CCS: variants seen among roughly 807,000 people sequenced by gnomAD.
CCS encodes the protein superoxide dismutase copper chaperone.
A neutral mutation model predicts 35.5 loss-of-function variants in CCS; 32 were observed. The observed-to-expected ratio is 0.90, with a 90% confidence interval of 0.68 to 1.21. CCS has a LOEUF of 1.21. Ranked by LOEUF, CCS falls within the 50% of genes most tolerant of loss-of-function variation. The probability of loss-of-function intolerance (pLI) is 0.00; values close to 1 mark genes in which losing one functional copy is unlikely to be tolerated. For synonymous variants in CCS, 130 were observed against 147.2 expected (o/e 0.88, Z 0.84); for missense variants, 342 against 375.4 (o/e 0.91, Z 0.73).
intron 5 of CCS, among the ~76,000 whole-genome samples, chr11:66,603,157 C>T (rs1858596710): frequency 6.6e-6 from 1 of 152,182 alleles, no homozygotes; most frequent in Non-Finnish European, 1.5e-5. Context: ...CATTCAATAC[C>T]CCACTCCCCC....
chr11:66,594,315 C>T (rs975787518), intron 2 of CCS, among the ~76,000 whole-genome samples: 9 of 152,012 alleles, frequency 5.9e-5, no homozygotes, highest in East Asian at 3.9e-4. Flanking sequence ...GCCGAGATCG[C>T]GCCACTGCAC....
chr11:66,594,814 G>A (rs1858447691), intron 2 of CCS, among the ~76,000 whole-genome samples: 1 of 151,524 alleles, frequency 6.6e-6, no homozygotes, highest in South Asian at 2.1e-4. Flanking sequence ...CCAGTCATTC[G>A]GCAGGTATGG....
Position 66,597,389 on chromosome 11 carries a change from T to C in CCS, c.113-1727T>C, listed in dbSNP as rs112903672. The stretch of plus-strand genomic sequence containing the variant: ...AGGAGAATGGCTAGAACCCAGGAGG[T>C]GGAGCTTGCAGTGAGCCGAGATTGT... On this transcript the variant is annotated intron_variant, in intron 2 of 7. Transcript: ENST00000533244. Among the ~76,000 whole-genome samples, 1,429 of 150,270 alleles carry C rather than the reference T, an allele frequency of 9.5e-3. 6 individuals carry two copies. The highest frequency in any genetic ancestry group is 0.015 in the Non-Finnish European group (1,030 of 67,664).
At chr11:66,604,098 C>T (rs994060920) in intron 5 of CCS, among the ~76,000 whole-genome samples, 4 of 151,654 alleles carry the variant, frequency 2.6e-5, no homozygotes, top group South Asian at 2.1e-4. Context: ...GGCGTAGTGG[C>T]GCGTGCCTGT....
At chr11:66,594,592 A>G (rs954319602) in intron 2 of CCS, among the ~76,000 whole-genome samples, 1 of 151,976 alleles carries the variant, frequency 6.6e-6, no homozygotes, top group African/African-American at 2.4e-5. Flanking sequence ...CCTGAGCAAC[A>G]TGGCGAAAAC....
At chr11:66,598,695 G>T (rs113775972) in intron 2 of CCS, among the ~76,000 whole-genome samples, 26 of 151,744 alleles carry the variant, frequency 1.7e-4, no homozygotes, top group Non-Finnish European at 3.5e-4. Flanking sequence ...CTTCGTTCCT[G>T]AATAGTATTT....
intron 4 of CCS, 23 bp from the exon 5 acceptor site, chr11:66,600,466 C>G (rs1239045258): frequency 4.0e-6 from 6 of 1,491,360 alleles, no homozygotes; most frequent in Non-Finnish European, 5.4e-6. Context: ...CTTTCCTGCC[C>G]ACCTGTTTCC....
chr11:66,600,446 C>T, intron 4 of CCS, 43 bp from the exon 5 acceptor site: 1 of 1,262,722 alleles, frequency 7.9e-7, no homozygotes, highest in Non-Finnish European at 1.1e-6. Context: ...AGCACCTGGC[C>T]TGTGAGCTGC....
intron 5 of CCS, 108 bp from the exon 6 acceptor site, chr11:66,605,231 G>T: frequency 6.4e-7 from 1 of 1,559,766 alleles, no homozygotes; most frequent in East Asian, 2.4e-5. Context: ...AGGAGGAAAT[G>T]GGTACTTTAG....
At chr11:66,593,501 G>A (rs1858418517) in intron 1 of CCS, 141 bp from the exon 2 acceptor site, 5 of 975,958 alleles carry the variant, frequency 5.1e-6, no homozygotes, top group African/African-American at 1.6e-5. Context: ...GGTCATGAGA[G>A]ATCATGAAGA....
intron 2 of CCS, 70 bp from the exon 3 acceptor site, chr11:66,599,046 G>A: frequency 6.3e-7 from 1 of 1,597,812 alleles, no homozygotes; most frequent in Non-Finnish European, 8.6e-7. Flanking sequence ...ATTGCTGTCT[G>A]TTTTTCTGTT....
chr11:66,602,810 C>T (rs1281619525), intron 5 of CCS, among the ~76,000 whole-genome samples: 1 of 152,264 alleles, frequency 6.6e-6, no homozygotes, highest in Non-Finnish European at 1.5e-5. Flanking sequence ...CTCACCCAAT[C>T]CCTTAACTTA....
At chr11:66,604,628 T>C (rs1297045795) in intron 5 of CCS, among the ~76,000 whole-genome samples, 1 of 152,212 alleles carries the variant, frequency 6.6e-6, no homozygotes, top group Admixed American at 6.5e-5. Flanking sequence ...CTGTTCTGTA[T>C]CTGGGCCCCC....
chr11:66,600,344 C>T, intron 4 of CCS, 145 bp from the exon 5 acceptor site: 1 of 469,730 alleles, frequency 2.1e-6, no homozygotes, highest in Admixed American at 4.1e-5. Flanking sequence ...TTCTCGGTGC[C>T]CTCTACCCAA....
chr11:66,597,376 A>G (rs542731720), intron 2 of CCS, among the ~76,000 whole-genome samples: 1 of 147,414 alleles, frequency 6.8e-6, no homozygotes, highest in South Asian at 2.2e-4. Flanking sequence ...GAGAATGGCT[A>G]GAACCCAGGA....
At chr11:66,604,488 T>A (rs1858622296) in intron 5 of CCS, among the ~76,000 whole-genome samples, 1 of 152,180 alleles carries the variant, frequency 6.6e-6, no homozygotes, top group African/African-American at 2.4e-5. Context: ...AGGCACTTGT[T>A]TCTGCCCAAA....
At chr11:66,598,974 TAC>T (rs1858525573) in intron 2 of CCS, 140 bp from the exon 3 acceptor site, 3 of 900,782 alleles carry the variant, frequency 3.3e-6, no homozygotes, top group Admixed American at 4.0e-5. Flanking sequence ...TACTCAGGGT[TAC>T]ACAGTTACGA....
At chr11:66,598,222 C>T (rs569826564) in intron 2 of CCS, among the ~76,000 whole-genome samples, 1 of 152,162 alleles carries the variant, frequency 6.6e-6, no homozygotes, top group African/African-American at 2.4e-5. Flanking sequence ...TAGGCCACAG[C>T]CAGGCGTGAT....
rs1277690465 is a variant in CCS at position 66,600,668 on chromosome 11, C to T, written c.489+119C>T. 1.4e-5 allele frequency: 7 copies of T among 508,774 alleles called. No individual in the cohort carries two copies. The East Asian group carries it at 2.2e-4, about 16-fold the overall frequency. The allele number at this position is 508,774 out of a possible 1,614,324, so 31.5% of individuals were successfully genotyped here. A position where few individuals can be genotyped will look rare whatever the true frequency, so the allele number is the denominator to read the frequency against. ...CCTTTTTGGTGGAGTCTTTTCCTCT[C>T]ATTTTATTTTGCTGAGTTTGGAAAC... On this transcript the variant is annotated intron_variant, in intron 5 of 7. Transcript: ENST00000533244.
Sources: allele counts gnomAD v4.1 joint callset (sites outside exome capture counted in the v4.1 genomes callset), GRCh38; gene constraint gnomAD v4.1.1; transcripts MANE v1.5; gene names NCBI Gene and HGNC (gene_info 2026-07-23, HGNC 2026-07-21).